Variants in CRY1 observed in about 807,000 individuals in gnomAD.
The protein encoded by CRY1 is cryptochrome circadian regulator 1.
Under a neutral mutation model 76.0 loss-of-function variants are expected in CRY1, and 45 were observed. The ratio of observed to expected loss-of-function variants is 0.59; its 90% CI spans 0.47 to 0.76. CRY1 has a LOEUF of 0.76. Ranked by LOEUF, CRY1 falls within the 30% of genes least tolerant of loss-of-function variation. CRY1 has a pLI of 0.00. For synonymous variants in CRY1, 248 were observed against 244.0 expected (o/e 1.02, Z -0.15); for missense variants, 587 against 716.4 (o/e 0.82, Z 2.06).
intron 2 of CRY1, among the ~76,000 whole-genome samples, chr12:107,017,266 C>T (rs550792897): frequency 6.8e-4 from 103 of 152,356 alleles, no homozygotes; most frequent in African/African-American, 2.3e-3. Context: ...AGCACACTGG[C>T]CTTGTTGTTG....
At chr12:107,018,633 TAATGAG>T (rs1385568269) in intron 2 of CRY1, among the ~76,000 whole-genome samples, 2 of 151,936 alleles carry the variant, frequency 1.3e-5, no homozygotes, top group Non-Finnish European at 2.9e-5. Context: ...GAAATAGATA[TAATGAG>T]AATGTTTTTA....
intron 1 of CRY1, among the ~76,000 whole-genome samples, chr12:107,024,553 T>C (rs923367669): frequency 6.6e-6 from 1 of 152,106 alleles, no homozygotes; most frequent in Non-Finnish European, 1.5e-5. Context: ...ATTTTTGTAG[T>C]TTTTGTAGAG....
intron 1 of CRY1, among the ~76,000 whole-genome samples, chr12:107,064,482 TAGTC>T (rs1360558444): frequency 6.6e-5 from 10 of 152,178 alleles, no homozygotes; most frequent in Non-Finnish European, 8.8e-5. Context: ...GTCTCATATA[TAGTC>T]AGTGAGAATG....
At chr12:107,065,626 T>C (rs1197143633) in intron 1 of CRY1, among the ~76,000 whole-genome samples, 1 of 151,964 alleles carries the variant, frequency 6.6e-6, no homozygotes, top group Admixed American at 6.6e-5. Flanking sequence ...AACTGGGAAT[T>C]TTGGTGTATA....
intron 1 of CRY1, among the ~76,000 whole-genome samples, chr12:107,025,807 T>C (rs553386190): frequency 1.3e-5 from 2 of 151,858 alleles, no homozygotes; most frequent in African/African-American, 4.8e-5. Context: ...CAACAAATCA[T>C]TTTGCTTGGC....
rs1166056898 is a variant in CRY1, at chr12:107,026,160, T to TATATATATATATTACATATATATAAA, written c.159-3969_159-3968insTTTATATATATGTAATATATATATAT. On this transcript the variant is annotated intron_variant, in intron 1 of 12. Coordinates refer to ENST00000008527, the MANE Select transcript of CRY1 (RefSeq NM_004075.5). ...ATATATATTACATATATATATAAAA[T>TATATATATATATTACATATATATAAA]ATATATATATATATTACATATATAT... Among the ~76,000 whole-genome samples the TATATATATATATTACATATATATAAA allele has an allele frequency of 3.6e-4, 27 of 75,870 alleles. 2 individuals are homozygous for TATATATATATATTACATATATATAAA. The highest frequency in any genetic ancestry group is 1.2e-3 in the African/African-American group (16 of 13,230). The allele number at this position is 75,870 out of a possible 152,430, so 49.8% of individuals were successfully genotyped here. A position where few individuals can be genotyped will look rare whatever the true frequency, so the allele number is the denominator to read the frequency against.
chr12:107,073,725 T>A (rs112937315), intron 1 of CRY1, among the ~76,000 whole-genome samples: 47 of 151,976 alleles, frequency 3.1e-4, no homozygotes, highest in African/African-American at 1.1e-3. Context: ...TGAGACAGAG[T>A]CCGTTTCAAA....
intron 1 of CRY1, among the ~76,000 whole-genome samples, chr12:107,051,756 T>C (rs908776758): frequency 2.0e-5 from 3 of 152,192 alleles, no homozygotes; most frequent in Admixed American, 6.5e-5. Flanking sequence ...CAAGTCTATA[T>C]AACTTATGCC....
At chr12:107,035,203 C>G (rs1952720747) in intron 1 of CRY1, among the ~76,000 whole-genome samples, 1 of 152,078 alleles carries the variant, frequency 6.6e-6, no homozygotes, top group Admixed American at 6.5e-5. Flanking sequence ...TTTTTTTGAT[C>G]TATGACTTAG....
intron 1 of CRY1, among the ~76,000 whole-genome samples, chr12:107,034,720 G>A (rs1952714185): frequency 6.6e-6 from 1 of 152,152 alleles, no homozygotes; most frequent in Admixed American, 6.5e-5. Context: ...TGTAACGGAA[G>A]AGGAAGAAAT....
chr12:107,073,136 G>T (rs1004196501), intron 1 of CRY1: 1 of 151,736 alleles, frequency 6.6e-6, no homozygotes, highest in African/African-American at 2.4e-5. Context: ...ATCATCTTTG[G>T]GTGGGAAAGG....
intron 1 of CRY1, among the ~76,000 whole-genome samples, chr12:107,056,663 A>C (rs1952986455): frequency 6.6e-6 from 1 of 152,150 alleles, no homozygotes; most frequent in African/African-American, 2.4e-5. Flanking sequence ...AATGTGGCCC[A>C]GGGAAGCCAA....
chr12:107,055,354 G>C (rs1952970793), intron 1 of CRY1, among the ~76,000 whole-genome samples: 1 of 151,796 alleles, frequency 6.6e-6, no homozygotes, highest in Admixed American at 6.6e-5. Context: ...AAAATATTTT[G>C]AACTGAATAA....
rs1279014321 is a variant in CRY1 at position 107,009,382 on chromosome 12, T to C, written c.268-4134A>G. Among the ~76,000 whole-genome samples, 14 of 151,414 alleles carry C rather than the reference T, an allele frequency of 9.2e-5. No homozygotes were observed. In the East Asian group the frequency reaches 2.7e-3, roughly 30 times the overall value. ...GGTGAAACCCCGTCTCCAATAAAGA[T>C]ACAACAATTAGCCAGACGTGGTGGT... is the stretch of plus-strand genomic sequence containing the variant. On this transcript the variant is annotated intron_variant, in intron 2 of 12. Coordinates refer to ENST00000008527, the MANE Select transcript of CRY1 (RefSeq NM_004075.5).
chr12:107,032,340 A>G (rs899049331), intron 1 of CRY1, among the ~76,000 whole-genome samples: 9 of 152,244 alleles, frequency 5.9e-5, no homozygotes, highest in African/African-American at 2.2e-4. Flanking sequence ...TTATCTCTGC[A>G]TATTTTCTAC....
At chr12:107,085,214 G>A (rs1394294704) in intron 1 of CRY1, among the ~76,000 whole-genome samples, 2 of 152,174 alleles carry the variant, frequency 1.3e-5, no homozygotes, top group African/African-American at 4.8e-5. Flanking sequence ...CACTGTTGGT[G>A]GGAGTGTAAA....
intron 1 of CRY1, among the ~76,000 whole-genome samples, chr12:107,044,030 G>C (rs1188184543): frequency 6.6e-6 from 1 of 152,110 alleles, no homozygotes; most frequent in East Asian, 1.9e-4. Context: ...AGACCAGGCT[G>C]CTAGATGGTA....
At chr12:107,080,801 A>G (rs189809786) in intron 1 of CRY1, among the ~76,000 whole-genome samples, 45 of 152,252 alleles carry the variant, frequency 3.0e-4, no homozygotes, top group African/African-American at 1.1e-3. Flanking sequence ...GAATATAAAG[A>G]AATGAAGTCA....
At chr12:107,045,860 AATG>A (rs1213578272) in intron 1 of CRY1, among the ~76,000 whole-genome samples, 2 of 152,102 alleles carry the variant, frequency 1.3e-5, no homozygotes, top group Non-Finnish European at 2.9e-5. Context: ...ACCTAATGTA[AATG>A]ATAAGTTAAT....
Sources: gnomAD v4.1 joint callset for allele counts (sites outside exome capture counted in the v4.1 genomes callset) on GRCh38, gnomAD v4.1.1 for gene constraint, MANE v1.5 for transcripts, NCBI Gene and HGNC (gene_info 2026-07-23, HGNC 2026-07-21) for gene names.